KCNQ3: variants seen among roughly 807,000 people sequenced by gnomAD.
The protein encoded by KCNQ3 is potassium voltage-gated channel subfamily Q member 3, also known as potassium voltage-gated channel subfamily KQT member 3.
KCNQ3 carries 30 observed loss-of-function variants against 92.5 expected under a neutral mutation model. The ratio of observed to expected loss-of-function variants is 0.32; its 90% confidence interval spans 0.24 to 0.44. The LOEUF (loss-of-function observed/expected upper bound fraction) is 0.44. Ranked by LOEUF, KCNQ3 falls within the 20% of genes least tolerant of loss-of-function variation. The pLI is 1.00. For synonymous variants in KCNQ3, 450 were observed against 468.8 expected (o/e 0.96, Z 0.52); for missense variants, 913 against 1,140.3 (o/e 0.80, Z 2.87).
At chr8:132,264,485 G>A (rs147324826) in intron 1 of KCNQ3, among the ~76,000 whole-genome samples, 1,568 of 152,310 alleles carry the variant, frequency 0.01, 13 homozygotes, top group Non-Finnish European at 0.015. Context: ...GGCATGAGAT[G>A]GGCCTATTGG....
intron 1 of KCNQ3, among the ~76,000 whole-genome samples, chr8:132,355,264 A>T (rs990138290): frequency 6.6e-6 from 1 of 152,120 alleles, no homozygotes; most frequent in Non-Finnish European, 1.5e-5. Context: ...GTGAGCAAGG[A>T]TCACATATCT....
intron 1 of KCNQ3, chr8:132,321,600 C>G (rs542464028): frequency 2.6e-5 from 4 of 152,278 alleles, no homozygotes; most frequent in Admixed American, 6.5e-5. Flanking sequence ...CTGGTTGGCT[C>G]TGAGTCATAC....
chr8:132,183,564 T>A (rs1291994423), intron 3 of KCNQ3, among the ~76,000 whole-genome samples: 3 of 152,160 alleles, frequency 2.0e-5, no homozygotes, highest in African/African-American at 7.2e-5. Flanking sequence ...GGAGATTTTG[T>A]CCTGCAACTC....
chr8:132,426,009 A>T (rs1821098220), intron 1 of KCNQ3, among the ~76,000 whole-genome samples: 1 of 152,286 alleles, frequency 6.6e-6, no homozygotes, highest in African/African-American at 2.4e-5. Context: ...CCAGGTGCAA[A>T]GAAATACAAA....
At chr8:132,406,211 G>A (rs780924141) in intron 1 of KCNQ3, among the ~76,000 whole-genome samples, 38 of 152,154 alleles carry the variant, frequency 2.5e-4, no homozygotes, top group Non-Finnish European at 5.1e-4. Flanking sequence ...GGCTTGGGTG[G>A]GGTGGTGGTG....
At chr8:132,420,969 A>C (rs1401392839) in intron 1 of KCNQ3, among the ~76,000 whole-genome samples, 1 of 152,212 alleles carries the variant, frequency 6.6e-6, no homozygotes, top group Non-Finnish European at 1.5e-5. Context: ...AATACATTTA[A>C]ATTTTAATCC....
intron 12 of KCNQ3, among the ~76,000 whole-genome samples, chr8:132,135,042 CAT>C (rs1563765322): frequency 6.6e-6 from 1 of 152,120 alleles, no homozygotes; most frequent in Non-Finnish European, 1.5e-5. Flanking sequence ...CATAGGTAAA[CAT>C]GTGTCATGGG....
chr8:132,132,104 G>T (rs1187723120), intron 14 of KCNQ3, 76 bp downstream of exon 14: 3 of 1,027,528 alleles, frequency 2.9e-6, no homozygotes, highest in Middle Eastern at 2.1e-4. Context: ...AAAAAAGAAA[G>T]AAAGAAAAAA....
chr8:132,475,571 G>C (rs1043354278), intron 1 of KCNQ3, among the ~76,000 whole-genome samples: 1 of 152,178 alleles, frequency 6.6e-6, no homozygotes, highest in Non-Finnish European at 1.5e-5. Context: ...GAACTTCAGA[G>C]GATGATTTAG....
At chr8:132,362,209 T>C (rs1819191870) in intron 1 of KCNQ3, among the ~76,000 whole-genome samples, 1 of 152,124 alleles carries the variant, frequency 6.6e-6, no homozygotes, top group African/African-American at 2.4e-5. Flanking sequence ...ATTAATTTCA[T>C]CCTGGAAAAA....
intron 12 of KCNQ3, 139 bp downstream of exon 12, chr8:132,137,746 T>A: frequency 9.3e-7 from 1 of 1,072,810 alleles, no homozygotes; most frequent in South Asian, 1.3e-5. Flanking sequence ...GGCCTAGACA[T>A]CCACAAGGCT....
At chr8:132,392,790 CAAAAAAA>C (rs56183412) in intron 1 of KCNQ3, among the ~76,000 whole-genome samples, 7 of 72,636 alleles carry the variant, frequency 9.6e-5, no homozygotes, top group Middle Eastern at 8.8e-3. Context: ...GAACCTGTCT[CAAAAAAA>C]AAAAAAAAAA....
At chr8:132,196,468 C>T (rs1446802315) in intron 1 of KCNQ3, among the ~76,000 whole-genome samples, 1 of 152,222 alleles carries the variant, frequency 6.6e-6, no homozygotes, top group African/African-American at 2.4e-5. Context: ...GAACAGAGCA[C>T]ATCACTTTGT....
intron 1 of KCNQ3, among the ~76,000 whole-genome samples, chr8:132,393,459 A>G (rs1563892752): frequency 6.6e-6 from 1 of 152,216 alleles, no homozygotes; most frequent in East Asian, 1.9e-4. Context: ...CATGTAAACA[A>G]AGAGTATGGC....
chr8:132,276,400 T>C (rs1156677289), intron 1 of KCNQ3, among the ~76,000 whole-genome samples: 1 of 151,982 alleles, frequency 6.6e-6, no homozygotes, highest in Non-Finnish European at 1.5e-5. Flanking sequence ...CACAGAAACA[T>C]CCAGGGCAGG....
At chr8:132,291,878 C>T (rs972838907) in intron 1 of KCNQ3, among the ~76,000 whole-genome samples, 4 of 152,160 alleles carry the variant, frequency 2.6e-5, no homozygotes, top group African/African-American at 9.7e-5. Context: ...GATTACTTGG[C>T]CTCCATAAGT....
At chr8:132,244,202 C>A (rs912620426) in intron 1 of KCNQ3, among the ~76,000 whole-genome samples, 1 of 152,098 alleles carries the variant, frequency 6.6e-6, no homozygotes, top group African/African-American at 2.4e-5. Flanking sequence ...CAATGACTAT[C>A]TTTCATGAAC....
chr8:132,296,055 A>G (rs1817011526), intron 1 of KCNQ3, among the ~76,000 whole-genome samples: 1 of 152,228 alleles, frequency 6.6e-6, no homozygotes, highest in South Asian at 2.1e-4. Flanking sequence ...AAAAAATAAT[A>G]AAGTTATTGG....
intron 1 of KCNQ3, among the ~76,000 whole-genome samples, chr8:132,308,783 T>C (rs1332740925): frequency 2.6e-5 from 4 of 152,140 alleles, no homozygotes; most frequent in Non-Finnish European, 4.4e-5. Context: ...ACTTTAACAA[T>C]GGAGATACTG....
Sources: gnomAD v4.1 joint callset for allele counts (sites outside exome capture counted in the v4.1 genomes callset) on GRCh38, gnomAD v4.1.1 for gene constraint, MANE v1.5 for transcripts, NCBI Gene and HGNC (gene_info 2026-07-23, HGNC 2026-07-21) for gene names.